RBFOX3: variants seen among roughly 807,000 people sequenced by gnomAD.
RBFOX3 encodes the protein RNA binding protein fox-1 homolog 3.
Under a neutral mutation model 48.7 loss-of-function variants are expected in RBFOX3, and 17 were observed. The observed-to-expected ratio is 0.35, with a 90% confidence interval of 0.24 to 0.52. RBFOX3 has a LOEUF of 0.52. Among genes scored for constraint, RBFOX3 ranks in the 20% least tolerant of loss-of-function variants. RBFOX3 has a pLI of 0.94. For missense variants in RBFOX3, 382 were observed against 497.5 expected, an observed-to-expected ratio of 0.77 and a Z score of 2.21; for synonymous variants, 212 against 209.5, an observed-to-expected ratio of 1.01 and a Z score of -0.10.
chr17:79,572,618 G>A (rs939806975), intron 1 of RBFOX3, among the ~76,000 whole-genome samples: 5 of 152,174 alleles, frequency 3.3e-5, no homozygotes, highest in Non-Finnish European at 5.9e-5. Flanking sequence ...CCCTTTCCCC[G>A]GAGGTGGCCC....
At chr17:79,233,150 T>A (rs542122485) in intron 4 of RBFOX3, among the ~76,000 whole-genome samples, 1 of 152,312 alleles carries the variant, frequency 6.6e-6, no homozygotes, top group Admixed American at 6.5e-5. Flanking sequence ...AATCCCAGCG[T>A]GGAATACTAC....
chr17:79,133,971 A>C (rs1277637569), intron 4 of RBFOX3, among the ~76,000 whole-genome samples: 1 of 152,220 alleles, frequency 6.6e-6, no homozygotes, highest in Non-Finnish European at 1.5e-5. Flanking sequence ...ATATTCATTA[A>C]GGAATATTAG....
intron 4 of RBFOX3, among the ~76,000 whole-genome samples, chr17:79,181,968 C>G (rs1233469178): frequency 5.6e-5 from 1 of 17,936 alleles, no homozygotes; most frequent in Admixed American, 3.4e-4. Context: ...AAGAAACACA[C>G]ACACACACAC....
rs551129949 is a variant in RBFOX3 at position 79,161,958 on chromosome 17, A to T, written c.-33-46210T>A. 2.3e-3 allele frequency among the ~76,000 whole-genome samples: 346 copies of T among 152,306 alleles called. 2 individuals carry two copies. The highest frequency in any genetic ancestry group is 8.1e-3 in the African/African-American group (336 of 41,564). On this transcript the variant is annotated intron_variant, in intron 4 of 14. Transcript: ENST00000693108. ...CAACCCACAACAGTCGAAGGAGGCT[A>T]TGAGGCCCCAGCGGGACTTTTGGGG...
chr17:79,343,548 C>T (rs573974594), intron 2 of RBFOX3, among the ~76,000 whole-genome samples: 133 of 152,122 alleles, frequency 8.7e-4, no homozygotes, highest in African/African-American at 2.9e-3. Context: ...AACAAAAAAA[C>T]CCAAAAACAC....
chr17:79,589,963 A>C (rs1359900120), intron 1 of RBFOX3, among the ~76,000 whole-genome samples: 1 of 152,182 alleles, frequency 6.6e-6, no homozygotes, highest in Non-Finnish European at 1.5e-5. Flanking sequence ...ATTAAAAAAG[A>C]AGAAGAAAAG....
At chr17:79,304,616 CA>C (rs2075841726) in intron 3 of RBFOX3, among the ~76,000 whole-genome samples, 1 of 151,976 alleles carries the variant, frequency 6.6e-6, no homozygotes, top group Admixed American at 6.6e-5. Flanking sequence ...GTATTTTCCA[CA>C]AAAACATCTA....
At chr17:79,652,693 G>A in the RBFOX3 span, among the ~76,000 whole-genome samples, 6 of 149,046 alleles carry the variant, frequency 4.0e-5, no homozygotes, top group East Asian at 2.0e-4. Flanking sequence ...ATGTACAGTC[G>A]GTTTTTGTTT....
At chr17:79,226,704 A>T (rs910781269) in intron 4 of RBFOX3, among the ~76,000 whole-genome samples, 10 of 152,198 alleles carry the variant, frequency 6.6e-5, no homozygotes, top group African/African-American at 2.2e-4. Flanking sequence ...TAGAGTGGGG[A>T]TGGCAACATC....
chr17:79,179,763 C>CT (rs1184023339), intron 4 of RBFOX3, among the ~76,000 whole-genome samples: 1 of 152,204 alleles, frequency 6.6e-6, no homozygotes, highest in Non-Finnish European at 1.5e-5. Flanking sequence ...GAGAGTCCTG[C>CT]TGATGGTCTA....
chr17:79,653,025 T>TG, the RBFOX3 span, among the ~76,000 whole-genome samples: 3,162 of 152,032 alleles, frequency 0.021, 103 homozygotes, highest in African/African-American at 0.072. Context: ...CAGAATTTAG[T>TG]GGGAAAAAAA....
intron 3 of RBFOX3, among the ~76,000 whole-genome samples, chr17:79,255,222 C>CAT (rs1555631141): frequency 1.4e-5 from 2 of 147,422 alleles, no homozygotes; most frequent in African/African-American, 2.5e-5. Context: ...CACATGTGTG[C>CAT]GTGTGTGTGT....
chr17:79,368,090 T>C (rs779312801), intron 2 of RBFOX3, among the ~76,000 whole-genome samples: 7 of 152,230 alleles, frequency 4.6e-5, no homozygotes, highest in Non-Finnish European at 1.0e-4. Flanking sequence ...TTAAGAGGCG[T>C]GGGGACAGAA....
At chr17:79,244,984 C>T (rs2062954899) in intron 3 of RBFOX3, among the ~76,000 whole-genome samples, 1 of 148,892 alleles carries the variant, frequency 6.7e-6, no homozygotes. Flanking sequence ...TCCCTCCCTC[C>T]CTTCCTTCCT....
intron 14 of RBFOX3, among the ~76,000 whole-genome samples, chr17:79,091,097 C>T (rs1372079598): frequency 6.6e-6 from 1 of 152,210 alleles, no homozygotes; most frequent in Non-Finnish European, 1.5e-5. Flanking sequence ...GAGGAGACAC[C>T]TGGGGCCCTG....
chr17:79,611,130 T>TTCTCTCTCTCTCTCTC (rs1173570495), upstream of RBFOX3, among the ~76,000 whole-genome samples: 49 of 37,804 alleles, frequency 1.3e-3, 9 homozygotes, highest in Middle Eastern at 0.019. Flanking sequence ...TCCGCCCTCC[T>TTCTCTCTCTCTCTCTC]TCTCTCTCTC....
At chr17:79,189,022 A>G (rs1360662410) in intron 4 of RBFOX3, among the ~76,000 whole-genome samples, 3 of 152,262 alleles carry the variant, frequency 2.0e-5, no homozygotes, top group African/African-American at 7.2e-5. Flanking sequence ...AAGCCAAAGG[A>G]AGAGGGGGGC....
chr17:79,551,767 G>C (rs2091181777), intron 1 of RBFOX3, among the ~76,000 whole-genome samples: 1 of 152,180 alleles, frequency 6.6e-6, no homozygotes, highest in African/African-American at 2.4e-5. Flanking sequence ...CTCTCACCAT[G>C]TGACACTCTG....
intron 9 of RBFOX3, among the ~76,000 whole-genome samples, chr17:79,100,871 T>G (rs1568127425): frequency 6.6e-6 from 1 of 152,112 alleles, no homozygotes; most frequent in Non-Finnish European, 1.5e-5. Flanking sequence ...ACCGGCCACC[T>G]CCGTTTGCAG....
Sources: gnomAD v4.1 joint callset for allele counts (sites outside exome capture counted in the v4.1 genomes callset) on GRCh38, gnomAD v4.1.1 for gene constraint, MANE v1.5 for transcripts, NCBI Gene and HGNC (gene_info 2026-07-23, HGNC 2026-07-21) for gene names.